APBA2: variants seen among roughly 807,000 people sequenced by gnomAD.
APBA2 encodes the protein amyloid beta precursor protein binding family A member 2, also known as amyloid-beta A4 precursor protein-binding family A member 2.
APBA2 carries 30 observed loss-of-function variants against 75.0 expected under a neutral mutation model. The ratio of observed to expected loss-of-function variants is 0.40; its 90% CI spans 0.30 to 0.54. APBA2 has a LOEUF of 0.54. Among genes scored for constraint, APBA2 ranks in the 20% least tolerant of loss-of-function variants. APBA2 has a pLI of 0.49. For synonymous variants in APBA2, 444 were observed against 409.6 expected, an observed-to-expected ratio of 1.08 and a Z score of -1.01; for missense variants, 801 against 1,016.1, an observed-to-expected ratio of 0.79 and a Z score of 2.88.
chr15:28,978,849 T>C (rs1024848572), intron 2 of APBA2, among the ~76,000 whole-genome samples: 1 of 152,344 alleles, frequency 6.6e-6, no homozygotes, highest in African/African-American at 2.4e-5. Context: ...AGTTGGATTG[T>C]ATTTTTCCAA....
intron 3 of APBA2, among the ~76,000 whole-genome samples, chr15:29,051,671 G>A (rs1225251443): frequency 6.6e-6 from 1 of 152,158 alleles, no homozygotes; most frequent in Non-Finnish European, 1.5e-5. Context: ...ATAACAAGAT[G>A]TGTTTTGGGC....
chr15:29,033,141 A>T (rs2152847799), intron 3 of APBA2, among the ~76,000 whole-genome samples: 1 of 152,256 alleles, frequency 6.6e-6, no homozygotes, highest in East Asian at 1.9e-4. Context: ...TGCCTAGGTG[A>T]TCTGTGCATG....
Position 28,973,277 on chromosome 15 carries a change from A to G in APBA2, c.-94-22476A>G, listed in dbSNP as rs117347124. ...ACACTAGAGGTTTTTATTGGTGTGT[A>G]AAATTTGAAGAGTAAGAGCACAGAT... is the stretch of plus-strand genomic sequence containing the variant. On this transcript the variant is annotated intron_variant, in intron 2 of 14. Transcript: ENST00000683413. Among the ~76,000 whole-genome samples the G allele has an allele frequency of 3.7e-4, 56 of 152,362 alleles. 1 individual carries two copies. The East Asian group carries it at 0.011, about 29-fold the overall frequency.
intron 2 of APBA2, among the ~76,000 whole-genome samples, chr15:28,982,373 G>A (rs2037671115): frequency 6.6e-6 from 1 of 152,154 alleles, no homozygotes; most frequent in South Asian, 2.1e-4. Flanking sequence ...TATCCATTAA[G>A]ACATTTGATG....
intron 4 of APBA2, among the ~76,000 whole-genome samples, chr15:29,059,580 A>G (rs1407474086): frequency 2.0e-5 from 3 of 152,194 alleles, no homozygotes; most frequent in Admixed American, 6.5e-5. Context: ...TTAAAGAAAT[A>G]TTGCATATAA....
intron 1 of APBA2, among the ~76,000 whole-genome samples, chr15:28,896,342 C>A (rs187311885): frequency 7.9e-5 from 12 of 152,278 alleles, no homozygotes; most frequent in Admixed American, 7.8e-4. Flanking sequence ...TGCAGTGGCA[C>A]GATCTCAGCT....
intron 3 of APBA2, among the ~76,000 whole-genome samples, chr15:29,006,624 G>C (rs2039130778): frequency 6.6e-6 from 1 of 152,184 alleles, no homozygotes; most frequent in African/African-American, 2.4e-5. Context: ...GCAAAGTCAT[G>C]TTTTACATGG....
At chr15:28,965,088 A>G (rs1043367974) in intron 2 of APBA2, among the ~76,000 whole-genome samples, 2 of 150,924 alleles carry the variant, frequency 1.3e-5, no homozygotes, top group African/African-American at 2.4e-5. Flanking sequence ...TTTTTTTTCT[A>G]CATGTCTTAT....
intron 3 of APBA2, among the ~76,000 whole-genome samples, chr15:29,044,914 A>G (rs978049496): frequency 3.9e-5 from 6 of 152,152 alleles, no homozygotes; most frequent in Admixed American, 3.9e-4. Flanking sequence ...AGGTATGGGC[A>G]GATTCAGTGT....
At chr15:29,039,916 T>C (rs113120806) in intron 3 of APBA2, among the ~76,000 whole-genome samples, 14 of 152,284 alleles carry the variant, frequency 9.2e-5, no homozygotes, top group African/African-American at 3.1e-4. Context: ...GGGTTGGAGC[T>C]TGAATGCGCA....
chr15:29,036,648 A>G (rs975424477), intron 3 of APBA2, among the ~76,000 whole-genome samples: 6 of 152,198 alleles, frequency 3.9e-5, no homozygotes, highest in Non-Finnish European at 7.3e-5. Flanking sequence ...GGTGACTCCC[A>G]CACCTCTTTT....
chr15:29,071,776 T>C (rs1188336739), intron 4 of APBA2, among the ~76,000 whole-genome samples: 1 of 151,288 alleles, frequency 6.6e-6, no homozygotes, highest in African/African-American at 2.4e-5. Flanking sequence ...TGGCTGTTTA[T>C]TGTGAGATGT....
intron 3 of APBA2, among the ~76,000 whole-genome samples, chr15:29,039,233 G>T (rs78378366): frequency 0.035 from 5,310 of 151,460 alleles, 277 homozygotes; most frequent in East Asian, 0.21. Flanking sequence ...GTCAGACAGG[G>T]CCTTTGAAGT....
intron 3 of APBA2, among the ~76,000 whole-genome samples, chr15:29,041,265 G>GT (rs59950925): frequency 0.21 from 32,031 of 151,926 alleles, 4,249 homozygotes; most frequent in East Asian, 0.44. Context: ...TGAGCCAGGA[G>GT]TTTAAGATCG....
chr15:28,899,062 T>C lies in APBA2; in HGVS notation c.-205+12784T>C, dbSNP rs564282827. ...GTTTAAGTATCAAACGTTATGTGGT[T>C]GCAGTTGAGAGGGAAACCAAAGAGC... On this transcript the variant is annotated intron_variant, in intron 1 of 14. Transcript: ENST00000683413. 1.2e-3 allele frequency among the ~76,000 whole-genome samples: 190 copies of C among 152,344 alleles called. 1 individual carries two copies. The highest frequency in any genetic ancestry group is 4.3e-3 in the African/African-American group (180 of 41,574).
At chr15:29,057,165 G>A (rs1227640778) in intron 4 of APBA2, among the ~76,000 whole-genome samples, 2 of 152,130 alleles carry the variant, frequency 1.3e-5, no homozygotes, top group Admixed American at 6.5e-5. Flanking sequence ...AGGGAGAAAT[G>A]GGCAATATTG....
chr15:28,944,085 T>C (rs2336907), intron 2 of APBA2, among the ~76,000 whole-genome samples: 25,984 of 152,078 alleles, frequency 0.17, 3,114 homozygotes, highest in African/African-American at 0.34. Flanking sequence ...CACTCTCCAC[T>C]CTGCAGCCAA....
intron 8 of APBA2, among the ~76,000 whole-genome samples, chr15:29,095,165 C>T (rs1402040466): frequency 6.6e-6 from 1 of 152,204 alleles, no homozygotes; most frequent in Non-Finnish European, 1.5e-5. Flanking sequence ...CCGTGGCTCA[C>T]GCCTGTAATC....
intron 2 of APBA2, among the ~76,000 whole-genome samples, chr15:28,924,368 A>G (rs2034143454): frequency 6.6e-6 from 1 of 152,172 alleles, no homozygotes. Flanking sequence ...TCTAGTTCCA[A>G]CAAGTTTTCT....
Sources: gnomAD v4.1 joint callset for allele counts (sites outside exome capture counted in the v4.1 genomes callset) on GRCh38, gnomAD v4.1.1 for gene constraint, MANE v1.5 for transcripts, NCBI Gene and HGNC (gene_info 2026-07-23, HGNC 2026-07-21) for gene names.